The following KHDRBS3 variants were observed in gnomAD, a reference collection of about 807,000 sequenced individuals.
KHDRBS3 encodes KH domain-containing, RNA-binding, signal transduction-associated protein 3.
A neutral mutation model predicts 45.6 loss-of-function variants in KHDRBS3; 23 were observed. The ratio of observed to expected loss-of-function variants is 0.50; its 90% CI spans 0.36 to 0.72. The LOEUF (loss-of-function observed/expected upper bound fraction) is 0.72, where lower values mean the gene tolerates loss of function less well. Among genes scored for constraint, KHDRBS3 ranks in the 30% least tolerant of loss-of-function variants. The probability of loss-of-function intolerance (pLI) is 0.00; values close to 1 mark genes in which losing one functional copy is unlikely to be tolerated. For missense variants in KHDRBS3, 352 were observed against 424.8 expected (o/e 0.83, Z 1.51); for synonymous variants, 162 against 156.5 (o/e 1.04, Z -0.26).
intron 2 of KHDRBS3, among the ~76,000 whole-genome samples, chr8:135,524,921 G>C (rs1056349376): frequency 2.6e-5 from 4 of 152,048 alleles, no homozygotes; most frequent in Non-Finnish European, 4.4e-5. Context: ...TTCATTGCAA[G>C]TGTTATTTTC....
intron 5 of KHDRBS3, among the ~76,000 whole-genome samples, chr8:135,570,631 C>T (rs889268658): frequency 4.6e-5 from 7 of 152,056 alleles, no homozygotes; most frequent in African/African-American, 9.7e-5. Flanking sequence ...GTTTCTCTAC[C>T]GGGTTTACCT....
chr8:135,547,073 T>C (rs549239842), intron 3 of KHDRBS3, among the ~76,000 whole-genome samples: 4 of 152,326 alleles, frequency 2.6e-5, no homozygotes, highest in African/African-American at 9.6e-5. Flanking sequence ...TTGCTGTACA[T>C]AGAATGCAAT....
intron 2 of KHDRBS3, among the ~76,000 whole-genome samples, chr8:135,525,649 C>T (rs1249585887): frequency 6.6e-6 from 1 of 152,142 alleles, no homozygotes; most frequent in Non-Finnish European, 1.5e-5. Context: ...ATATATGTGT[C>T]TTGTAAACAG....
intron 1 of KHDRBS3, among the ~76,000 whole-genome samples, chr8:135,505,400 G>T (rs1246112883): frequency 2.0e-5 from 3 of 152,120 alleles, no homozygotes; most frequent in African/African-American, 7.2e-5. Context: ...ACCCTTGAGA[G>T]CTCTCCTTCA....
At chr8:135,474,995 C>T (rs902808711) in intron 1 of KHDRBS3, among the ~76,000 whole-genome samples, 1 of 152,216 alleles carries the variant, frequency 6.6e-6, no homozygotes, top group Non-Finnish European at 1.5e-5. Flanking sequence ...TAGCCAGCAA[C>T]TCCAGGCTGA....
intron 2 of KHDRBS3, among the ~76,000 whole-genome samples, chr8:135,533,031 G>A (rs1018472560): frequency 2.0e-5 from 3 of 152,110 alleles, no homozygotes; most frequent in Admixed American, 6.5e-5. Flanking sequence ...TACAGTTCTC[G>A]ATTTACATTG....
chr8:135,521,256 A>C lies in KHDRBS3; in HGVS notation c.108A>C (p.Lys36Asn). The C allele has an allele frequency of 6.2e-7, 1 of 1,611,262 alleles. No homozygotes were observed. Among genetic ancestry groups the C allele is most frequent in the Admixed American group, 1.7e-5 (1 of 59,920 alleles). ...CCACAGAAATAGAAAAGTTTCAAAA[A>C]GGAGAAGGCAAGGATGAAGAAAAGT... ...LVNQEIEKFQ[K>N]GEGKDEEKYI... Residue 36 changes from lysine to asparagine, a missense_variant, in exon 2 of 9, where the codon AAA becomes AAC. Lys to Asn is a moderately conservative substitution (Grantham distance 94). This residue lies in a region of KHDRBS3 where 58 missense variants were observed against 64.5 expected (regional missense o/e 0.90). Transcript: ENST00000355849.
intron 1 of KHDRBS3, among the ~76,000 whole-genome samples, chr8:135,486,650 C>G (rs538576527): frequency 6.6e-6 from 1 of 152,290 alleles, no homozygotes; most frequent in South Asian, 2.1e-4. Flanking sequence ...GAAAGGATTA[C>G]TAATATTTGT....
chr8:135,491,612 G>C (rs1483859575), intron 1 of KHDRBS3, among the ~76,000 whole-genome samples: 1 of 152,032 alleles, frequency 6.6e-6, no homozygotes, highest in African/African-American at 2.4e-5. Context: ...AGAGAAGAAG[G>C]GGCAGTGGTT....
intron 7 of KHDRBS3, among the ~76,000 whole-genome samples, chr8:135,643,874 C>T (rs1271251047): frequency 6.6e-6 from 1 of 152,162 alleles, no homozygotes; most frequent in Non-Finnish European, 1.5e-5. Flanking sequence ...GGGATCTCAG[C>T]GGCTGGTGTT....
chr8:135,518,162 T>C (rs1010649197), intron 1 of KHDRBS3, among the ~76,000 whole-genome samples: 2 of 151,974 alleles, frequency 1.3e-5, no homozygotes, highest in Non-Finnish European at 2.9e-5. Context: ...TAAACTACTT[T>C]GTTTTTTTTT....
At chr8:135,546,452 T>C (rs1247348608) in intron 3 of KHDRBS3, among the ~76,000 whole-genome samples, 1 of 152,222 alleles carries the variant, frequency 6.6e-6, no homozygotes, top group East Asian at 1.9e-4. Context: ...GTTGGTTACA[T>C]AGCATAATAA....
chr8:135,504,372 A>C (rs975130881), intron 1 of KHDRBS3, among the ~76,000 whole-genome samples: 4 of 152,134 alleles, frequency 2.6e-5, no homozygotes, highest in Non-Finnish European at 5.9e-5. Context: ...TAAGGAACTT[A>C]ATTTTACGTT....
At chr8:135,512,437 G>GGGGT (rs1554620171) in intron 1 of KHDRBS3, among the ~76,000 whole-genome samples, 26 of 128,484 alleles carry the variant, frequency 2.0e-4, no homozygotes, top group African/African-American at 4.1e-4. Flanking sequence ...GTCGGGGGGG[G>GGGGT]GGTAATAACT....
At chr8:135,471,315 A>G (rs935216912) in intron 1 of KHDRBS3, among the ~76,000 whole-genome samples, 4 of 152,244 alleles carry the variant, frequency 2.6e-5, no homozygotes, top group African/African-American at 9.6e-5. Context: ...ATCACTATTT[A>G]TAGACTTCTG....
At chr8:135,618,814 G>A (rs923969051) in intron 7 of KHDRBS3, among the ~76,000 whole-genome samples, 2 of 152,154 alleles carry the variant, frequency 1.3e-5, no homozygotes, top group East Asian at 1.9e-4. Context: ...CTACAAAAAC[G>A]TAGTGAGAGA....
chr8:135,481,223 G>GATAGAT (rs1822551531), intron 1 of KHDRBS3, among the ~76,000 whole-genome samples: 1 of 77,406 alleles, frequency 1.3e-5, no homozygotes, highest in Non-Finnish European at 2.5e-5. Flanking sequence ...TGAAAGCCAC[G>GATAGAT]ATATATATAT....
At position 135,529,564 on chromosome 8, in the gene KHDRBS3, A is replaced by C. The variant is rs540705442; in HGVS notation, c.207+8209A>C. On this transcript the variant is annotated intron_variant, in intron 2 of 8. Transcript: ENST00000355849. ...AAGTGAAATCCAAAAACAGCCAGGC[A>C]TATATTGAGGGGTTCCTGAAATAAT... is the stretch of plus-strand genomic sequence containing the variant. Among the ~76,000 whole-genome samples, 5 of 152,344 alleles carry C rather than the reference A, an allele frequency of 3.3e-5. No homozygotes were observed. In the East Asian group the frequency reaches 9.6e-4, roughly 29 times the overall value.
chr8:135,627,123 C>G (rs1292807242), intron 7 of KHDRBS3, among the ~76,000 whole-genome samples: 1 of 152,172 alleles, frequency 6.6e-6, no homozygotes, highest in Non-Finnish European at 1.5e-5. Context: ...ATCATAAATT[C>G]AATCAAATTA....
Sources: allele counts gnomAD v4.1 joint callset (sites outside exome capture counted in the v4.1 genomes callset), GRCh38; gene constraint gnomAD v4.1.1; regional missense constraint gnomAD v4.1.1; transcripts MANE v1.5; gene names NCBI Gene and HGNC (gene_info 2026-07-23, HGNC 2026-07-21).